Variants in ADK observed in about 807,000 individuals in gnomAD.
The protein encoded by ADK is N6,N6-dimethyladenosine kinase.
In ADK, 24 loss-of-function variants were observed where a neutral mutation model predicts 44.7. The ratio of observed to expected loss-of-function variants is 0.54; its 90% confidence interval spans 0.39 to 0.76. The LOEUF is 0.76. Among genes scored for constraint, ADK ranks in the 30% least tolerant of loss-of-function variants. ADK has a pLI of 0.00. For missense variants in ADK, 321 were observed against 425.1 expected (o/e 0.76, Z 2.15); for synonymous variants, 128 against 142.6 (o/e 0.90, Z 0.73).
intron 6 of ADK, among the ~76,000 whole-genome samples, chr10:74,432,993 GCTTTA>G (rs750024065): frequency 6.6e-6 from 1 of 152,054 alleles, no homozygotes; most frequent in African/African-American, 2.4e-5. Context: ...GAACTGGAAG[GCTTTA>G]CTTTACTAAG....
intron 7 of ADK, among the ~76,000 whole-genome samples, chr10:74,585,584 C>T (rs937086159): frequency 6.6e-6 from 1 of 152,160 alleles, no homozygotes; most frequent in Non-Finnish European, 1.5e-5. Context: ...CTCAGGGGAG[C>T]AGGAAAGCCT....
chr10:74,593,896 T>A (rs1851805393), intron 8 of ADK, among the ~76,000 whole-genome samples: 1 of 152,222 alleles, frequency 6.6e-6, no homozygotes, highest in Non-Finnish European at 1.5e-5. Context: ...TGAATAGTGC[T>A]GCAGCAAACA....
At chr10:74,670,119 G>C in intron 9 of ADK, 64 bp from the exon 10 acceptor site, 1 of 1,249,778 alleles carries the variant, frequency 8.0e-7, no homozygotes, top group South Asian at 1.2e-5. Flanking sequence ...AGATGTTACT[G>C]GGTGAGCTTG....
At chr10:74,210,086 T>C (rs1843754232) in intron 2 of ADK, among the ~76,000 whole-genome samples, 1 of 152,056 alleles carries the variant, frequency 6.6e-6, no homozygotes, top group East Asian at 1.9e-4. Context: ...TCCCAGCACT[T>C]TGGGAGGCCG....
intron 1 of ADK, among the ~76,000 whole-genome samples, chr10:74,183,529 A>G (rs1301395224): frequency 6.8e-6 from 1 of 147,884 alleles, no homozygotes; most frequent in Non-Finnish European, 1.5e-5. Context: ...TTTTTTTTTG[A>G]GATGGAGTTT....
At chr10:74,601,118 T>C (rs1263487003) in intron 9 of ADK, among the ~76,000 whole-genome samples, 1 of 152,104 alleles carries the variant, frequency 6.6e-6, no homozygotes, top group Non-Finnish European at 1.5e-5. Context: ...CCTATGTGTT[T>C]GTTCAGTACT....
intron 5 of ADK, among the ~76,000 whole-genome samples, chr10:74,394,622 A>G (rs140931284): frequency 1.3e-5 from 2 of 152,274 alleles, no homozygotes; most frequent in Non-Finnish European, 2.9e-5. Context: ...CCTTGTAGCT[A>G]ATTTGTTGCA....
intron 3 of ADK, among the ~76,000 whole-genome samples, chr10:74,297,179 A>G (rs1170056125): frequency 6.6e-6 from 1 of 152,216 alleles, no homozygotes; most frequent in Non-Finnish European, 1.5e-5. Flanking sequence ...GTGTGTGCAT[A>G]GTAAGTTTCT....
At chr10:74,487,415 TA>T (rs1247005886) in intron 6 of ADK, among the ~76,000 whole-genome samples, 1 of 152,016 alleles carries the variant, frequency 6.6e-6, no homozygotes, top group Non-Finnish European at 1.5e-5. Flanking sequence ...TTTTAAGAGT[TA>T]CAGTCTTAAA....
intron 10 of ADK, among the ~76,000 whole-genome samples, chr10:74,705,283 A>G (rs1856561503): frequency 2.0e-5 from 1 of 51,254 alleles, no homozygotes; most frequent in Non-Finnish European, 3.6e-5. Flanking sequence ...TTGAGTGTTA[A>G]CTGCAGCAGC....
intron 9 of ADK, among the ~76,000 whole-genome samples, chr10:74,630,187 A>G (rs1386436233): frequency 6.6e-6 from 1 of 152,130 alleles, no homozygotes; most frequent in Non-Finnish European, 1.5e-5. Flanking sequence ...CAGAGTACAT[A>G]TATCAAAACC....
chr10:74,483,595 C>G (rs938497830), intron 6 of ADK, among the ~76,000 whole-genome samples: 1 of 152,198 alleles, frequency 6.6e-6, no homozygotes. Flanking sequence ...TTCTGTTTCC[C>G]TTTTAAATAT....
intron 6 of ADK, among the ~76,000 whole-genome samples, chr10:74,463,209 G>A (rs61859826): frequency 0.029 from 4,473 of 152,186 alleles, 119 homozygotes; most frequent in Middle Eastern, 0.051. Flanking sequence ...CACAGGGCAG[G>A]GTGGGGGAGG....
intron 4 of ADK, among the ~76,000 whole-genome samples, chr10:74,335,907 TTATC>T (rs1254801417): frequency 6.6e-6 from 1 of 152,232 alleles, no homozygotes; most frequent in Non-Finnish European, 1.5e-5. Flanking sequence ...TGAGAATTCT[TTATC>T]TGTTCTGCAG....
At chr10:74,195,969 G>A (rs1843133523) in intron 1 of ADK, among the ~76,000 whole-genome samples, 1 of 151,702 alleles carries the variant, frequency 6.6e-6, no homozygotes, top group Admixed American at 6.6e-5. Flanking sequence ...GAGCCACTGT[G>A]CCCAGCCAAT....
At chr10:74,176,704 C>G in intron 1 of ADK, 1 of 1,466,210 alleles carries the variant, frequency 6.8e-7, no homozygotes, top group South Asian at 1.4e-5. Flanking sequence ...CTCCAATCAG[C>G]ACGCCGGGCC....
Position 74,525,278 on chromosome 10 carries a change from C to G in ADK, c.578C>G (p.Pro193Arg). 1 of 1,613,738 alleles carries G rather than the reference C, an allele frequency of 6.2e-7. No individual in the cohort carries two copies. The highest frequency in any genetic ancestry group is 8.5e-7 in the Non-Finnish European group (1 of 1,179,878). ...CAGGGCTTTTTTCTTACAGTTTCCC[C>G]AGAGTCAGTATTAAAGGTGGCTCAC... ...YIAGFFLTVS[P>R]ESVLKVAHHA... is the part of the protein sequence containing the mutation. Residue 193 changes from proline to arginine, a missense_variant, in exon 7 of 11, where the codon CCA becomes CGA. Physicochemically the swap from Pro to Arg is moderately radical, Grantham distance 103. Coordinates refer to ENST00000539909, the MANE Select transcript of ADK (RefSeq NM_006721.4).
intron 6 of ADK, among the ~76,000 whole-genome samples, chr10:74,429,397 A>G (rs1257259812): frequency 3.9e-5 from 6 of 152,216 alleles, no homozygotes; most frequent in East Asian, 3.8e-4. Context: ...ACTTGCAACA[A>G]ACTATCCCAA....
At chr10:74,314,558 AT>A in intron 3 of ADK, 108 bp from the exon 4 acceptor site, 1 of 714,930 alleles carries the variant, frequency 1.4e-6, no homozygotes, top group Non-Finnish European at 2.5e-6. Flanking sequence ...TACTTAAACA[AT>A]AAAAACATTT....
Sources: allele counts gnomAD v4.1 joint callset (sites outside exome capture counted in the v4.1 genomes callset), GRCh38; gene constraint gnomAD v4.1.1; transcripts MANE v1.5; gene names NCBI Gene and HGNC (gene_info 2026-07-23, HGNC 2026-07-21).